Variants in RELN observed in about 807,000 individuals in gnomAD.
RELN encodes the protein reelin.
In RELN, 108 loss-of-function variants were observed where a neutral mutation model predicts 427.6. The observed-to-expected ratio is 0.25, with a 90% CI of 0.22 to 0.30. The LOEUF (loss-of-function observed/expected upper bound fraction) is 0.30. Ranked by LOEUF, RELN falls within the 10% of genes least tolerant of loss-of-function variation. The pLI is 1.00. For missense variants in RELN, 3,715 were observed against 4,302.8 expected (o/e 0.86, Z 3.82); for synonymous variants, 1,524 against 1,513.4 (o/e 1.01, Z -0.16).
chr7:103,722,515 A>C (rs1022972665), intron 8 of RELN, among the ~76,000 whole-genome samples: 2 of 152,190 alleles, frequency 1.3e-5, no homozygotes, highest in Non-Finnish European at 2.9e-5. Context: ...TTATTTATAA[A>C]TACATACCCT....
intron 3 of RELN, among the ~76,000 whole-genome samples, chr7:103,817,925 A>T (rs867743664): frequency 7.0e-6 from 1 of 142,046 alleles, no homozygotes. Flanking sequence ...GTGACAGAGT[A>T]AGACTCCATC....
chr7:103,787,908 T>C (rs530086360), intron 3 of RELN, among the ~76,000 whole-genome samples: 69 of 152,256 alleles, frequency 4.5e-4, no homozygotes, highest in African/African-American at 1.6e-3. Context: ...CCAATATCCC[T>C]GATGAACATC....
Position 103,989,511 on chromosome 7 carries a change from G to T in RELN, c.-155C>A, listed in dbSNP as rs1226434175. On this transcript the variant is annotated 5_prime_UTR_variant, in exon 1 of 65. Transcript: ENST00000428762. The surrounding 1 kb of genome is among the most constrained non-coding windows in gnomAD (Gnocchi z 4.9). ...GGAGCGGGCCTGGGAGCGGGCCCCC[G>T]CCGAGAAGTTCCGCGGGAGACGGCG... 1.7e-6 allele frequency: 1 copy of T among 584,748 alleles called. No individual in the cohort carries two copies. The highest frequency in any genetic ancestry group is 2.6e-6 in the Non-Finnish European group (1 of 385,146). The allele number at this position is 584,748 out of a possible 1,614,324, so 36.2% of individuals were successfully genotyped here.
chr7:103,493,168 T>C (rs1017494850), intron 57 of RELN, among the ~76,000 whole-genome samples: 1 of 151,584 alleles, frequency 6.6e-6, no homozygotes, highest in African/African-American at 2.4e-5. Context: ...AGATTGGGAG[T>C]GAAAAGAGTA....
At chr7:103,810,722 A>G (rs1792721561) in intron 3 of RELN, among the ~76,000 whole-genome samples, 1 of 152,222 alleles carries the variant, frequency 6.6e-6, no homozygotes, top group Non-Finnish European at 1.5e-5. Context: ...GCATGTGCAC[A>G]GTGTTTGTTC....
chr7:103,829,359 G>T (rs922076938), intron 3 of RELN, among the ~76,000 whole-genome samples: 4 of 150,864 alleles, frequency 2.7e-5, no homozygotes, highest in Middle Eastern at 3.4e-3. Context: ...CTTCCCCCAG[G>T]CCCCTTGGGA....
At chr7:103,971,121 G>A (rs1445408768) in intron 1 of RELN, among the ~76,000 whole-genome samples, 3 of 147,274 alleles carry the variant, frequency 2.0e-5, no homozygotes, top group East Asian at 2.0e-4. Flanking sequence ...CACTGCACTC[G>A]AGCCTGGGCG....
At chr7:103,608,382 T>TTA (rs1831868180) in intron 22 of RELN, among the ~76,000 whole-genome samples, 1 of 152,196 alleles carries the variant, frequency 6.6e-6, no homozygotes, top group Non-Finnish European at 1.5e-5. Flanking sequence ...ATAAATATTC[T>TTA]GCTGGGTTGT....
chr7:103,546,955 C>G (rs1039859044), intron 41 of RELN, among the ~76,000 whole-genome samples: 1 of 152,168 alleles, frequency 6.6e-6, no homozygotes, highest in African/African-American at 2.4e-5. Flanking sequence ...ATTGTCCTAT[C>G]ATGTTGCTGA....
intron 6 of RELN, among the ~76,000 whole-genome samples, chr7:103,736,802 T>G (rs1790504973): frequency 6.6e-6 from 1 of 152,140 alleles, no homozygotes; most frequent in African/African-American, 2.4e-5. Context: ...AACAAGGAAG[T>G]AATAAACCTC....
intron 1 of RELN, among the ~76,000 whole-genome samples, chr7:103,930,585 C>T (rs1795839936): frequency 6.6e-6 from 1 of 152,126 alleles, no homozygotes; most frequent in African/African-American, 2.4e-5. Flanking sequence ...CCTCCTCAGC[C>T]TCCTGAGTCA....
chr7:103,637,809 G>A (rs1346291549), intron 17 of RELN, among the ~76,000 whole-genome samples: 1 of 152,156 alleles, frequency 6.6e-6, no homozygotes, highest in Non-Finnish European at 1.5e-5. Context: ...GAAACTGAAT[G>A]TGTTTTACCA....
At chr7:103,679,655 T>C (rs1235472999) in intron 11 of RELN, among the ~76,000 whole-genome samples, 2 of 152,212 alleles carry the variant, frequency 1.3e-5, no homozygotes, top group African/African-American at 4.8e-5. Flanking sequence ...GTGTCCATAT[T>C]GACTTCAGAG....
chr7:103,654,049 G>T lies in RELN; in HGVS notation c.1554+44C>A, dbSNP rs921227904. On this transcript the variant is annotated intron_variant, in intron 13 of 64. Transcript: ENST00000428762. ...TGGTTTTGACTTGGGCTTGTCCAGG[G>T]TGGTCTGAGGTGGTCTATTTGCCAC... 4 of 1,059,918 alleles carry T rather than the reference G, an allele frequency of 3.8e-6. No individual in the cohort carries two copies. In the Admixed American group the frequency reaches 5.1e-5, roughly 13 times the overall value. The allele number at this position is 1,059,918 out of a possible 1,614,324, so 65.7% of individuals were successfully genotyped here. A position where few individuals can be genotyped will look rare whatever the true frequency, so the allele number is the denominator to read the frequency against.
intron 2 of RELN, among the ~76,000 whole-genome samples, chr7:103,852,500 CAATG>C (rs1450030630): frequency 6.6e-6 from 1 of 152,064 alleles, no homozygotes; most frequent in East Asian, 1.9e-4. Context: ...GTTACATAAT[CAATG>C]TATGTAAAGT....
chr7:103,978,689 C>T (rs996529259), intron 1 of RELN, among the ~76,000 whole-genome samples: 2 of 152,196 alleles, frequency 1.3e-5, no homozygotes, highest in Admixed American at 1.3e-4. Context: ...ATACAGATAG[C>T]TATCCCCTGG....
At chr7:103,961,158 A>G (rs939305337) in intron 1 of RELN, among the ~76,000 whole-genome samples, 2 of 152,262 alleles carry the variant, frequency 1.3e-5, no homozygotes, top group Non-Finnish European at 2.9e-5. Flanking sequence ...AAGGTAAACC[A>G]TAACAACTGT....
At chr7:103,974,251 G>A (rs987772796) in intron 1 of RELN, among the ~76,000 whole-genome samples, 13 of 152,164 alleles carry the variant, frequency 8.5e-5, no homozygotes, top group African/African-American at 3.1e-4. Flanking sequence ...AACCCTGTGT[G>A]ACGAGTACTA....
intron 20 of RELN, among the ~76,000 whole-genome samples, chr7:103,621,953 T>G (rs1832228852): frequency 6.6e-6 from 1 of 152,010 alleles, no homozygotes; most frequent in Admixed American, 6.5e-5. Context: ...GAGGCAGAGG[T>G]TGTAGTGAGC....
Sources: allele counts gnomAD v4.1 joint callset (sites outside exome capture counted in the v4.1 genomes callset), GRCh38; gene constraint gnomAD v4.1.1; non-coding constraint Gnocchi (gnomAD v3.1); transcripts MANE v1.5; gene names NCBI Gene and HGNC (gene_info 2026-07-23, HGNC 2026-07-21).